The following SH3BP4 variants were observed in gnomAD, a reference collection of about 807,000 sequenced individuals.
The protein encoded by SH3BP4 is SH3 domain-binding protein 4.
SH3BP4 carries 33 observed loss-of-function variants against 65.5 expected under a neutral mutation model. The observed-to-expected ratio is 0.50, with a 90% confidence interval of 0.38 to 0.67. SH3BP4 has a LOEUF of 0.67. Ranked by LOEUF, SH3BP4 falls within the 30% of genes least tolerant of loss-of-function variation. SH3BP4 has a pLI of 0.00. For synonymous variants in SH3BP4, 552 were observed against 545.5 expected (o/e 1.01, Z -0.17); for missense variants, 1,134 against 1,261.4 (o/e 0.90, Z 1.53).
chr2:234,982,371 T>C (rs954317393), intron 1 of SH3BP4, among the ~76,000 whole-genome samples: 1 of 152,124 alleles, frequency 6.6e-6, no homozygotes, highest in South Asian at 2.1e-4. Flanking sequence ...GCCCACTTTA[T>C]GGAGGCGGAA....
Position 234,978,085 on chromosome 2 carries a change from A to C in SH3BP4, c.-206-17218A>C, listed in dbSNP as rs1346675136. On this transcript the variant is annotated intron_variant, in intron 1 of 5. Transcript: ENST00000392011. The surrounding 1 kb of genome is among the most constrained non-coding windows in gnomAD (Gnocchi z 4.1). ...ATTCTCCTGCCTCAGCCTCCCGAGT[A>C]GCTGGGATTACAGGCATGCGCCACC... 1.3e-5 allele frequency among the ~76,000 whole-genome samples: 2 copies of C among 151,802 alleles called. No individual in the cohort carries two copies. Among genetic ancestry groups the C allele is most frequent in the Non-Finnish European group, 2.9e-5 (2 of 67,958 alleles).
chr2:235,020,445 C>T (rs977175378), intron 2 of SH3BP4, among the ~76,000 whole-genome samples: 6 of 151,864 alleles, frequency 4.0e-5, no homozygotes, highest in African/African-American at 7.3e-5. Flanking sequence ...TGCAGTGAGC[C>T]GAAATTGTAC....
chr2:235,004,465 C>G (rs138494827), intron 2 of SH3BP4, among the ~76,000 whole-genome samples: 1 of 152,332 alleles, frequency 6.6e-6, no homozygotes, highest in African/African-American at 2.4e-5. Flanking sequence ...GCAACCACCA[C>G]CTCTTATCAC....
rs1331973097 is a variant in SH3BP4 at position 235,028,956 on chromosome 2, T to C, written c.-132-5915T>C. Among the ~76,000 whole-genome samples, 3 of 152,172 alleles carry C rather than the reference T, an allele frequency of 2.0e-5. No homozygotes were observed. In the East Asian group the frequency reaches 5.9e-4, roughly 30 times the overall value. ...GGGACAGGGGCTGATGATGTTGGGC[T>C]TCTAGGGCACTGGAAGCTGCTGATG... is the stretch of plus-strand genomic sequence containing the variant. On this transcript the variant is annotated intron_variant, in intron 2 of 5. Transcript: ENST00000392011.
intron 2 of SH3BP4, chr2:234,996,005 T>C (rs1693903806): frequency 6.6e-6 from 1 of 152,268 alleles, no homozygotes; most frequent in Non-Finnish European, 1.5e-5. Flanking sequence ...CTGGAGGTTT[T>C]CTTGGCTGTT....
chr2:234,999,321 ATCAG>A (rs1022805772), intron 2 of SH3BP4, among the ~76,000 whole-genome samples: 2 of 152,250 alleles, frequency 1.3e-5, no homozygotes, highest in African/African-American at 2.4e-5. Context: ...GACAAAAGAC[ATCAG>A]TCAAAGAAAG....
chr2:235,015,988 G>A (rs1447573730), intron 2 of SH3BP4, among the ~76,000 whole-genome samples: 1 of 152,068 alleles, frequency 6.6e-6, no homozygotes, highest in African/African-American at 2.4e-5. Context: ...CAGTCACATG[G>A]GGGTACGTGG....
At chr2:235,000,987 T>C (rs1443546413) in intron 2 of SH3BP4, among the ~76,000 whole-genome samples, 6 of 152,266 alleles carry the variant, frequency 3.9e-5, no homozygotes, top group Non-Finnish European at 7.3e-5. Flanking sequence ...ATTCTTTTCC[T>C]TCTTACCTTA....
At position 235,045,557 on chromosome 2, in the gene SH3BP4, C is replaced by T. The variant is rs1574849128; in HGVS notation, c.2478+2310C>T. Reference sequence around the variant, plus strand: ...ACTTGCCCTTGGCCAGGTCGGCTCCCTGAGGCAAGGTTAGATTTTGTGGTG... The same window carrying T: ...ACTTGCCCTTGGCCAGGTCGGCTCCTTGAGGCAAGGTTAGATTTTGTGGTG... On this transcript the variant is annotated intron_variant, in intron 4 of 5. Coordinates refer to ENST00000392011, the MANE Select transcript of SH3BP4 (RefSeq NM_014521.3). The surrounding 1 kb of genome is among the most constrained non-coding windows in gnomAD (Gnocchi z 4.3). 6.6e-6 allele frequency among the ~76,000 whole-genome samples: 1 copy of T among 152,240 alleles called. No homozygotes were observed. The highest frequency in any genetic ancestry group is 1.5e-5 in the Non-Finnish European group (1 of 68,022).
At chr2:234,993,840 G>T (rs1227914993) in intron 1 of SH3BP4, among the ~76,000 whole-genome samples, 1 of 152,250 alleles carries the variant, frequency 6.6e-6, no homozygotes, top group Non-Finnish European at 1.5e-5. Context: ...GCCGCCTTGT[G>T]ATTCCTGTCC....
intron 1 of SH3BP4, among the ~76,000 whole-genome samples, chr2:234,989,628 C>T (rs758039568): frequency 1.3e-5 from 2 of 152,190 alleles, no homozygotes; most frequent in East Asian, 3.8e-4. Flanking sequence ...TGTCACAGCT[C>T]CACTGTTTTG....
At chr2:234,985,227 T>G (rs915402726) in intron 1 of SH3BP4, among the ~76,000 whole-genome samples, 1 of 152,212 alleles carries the variant, frequency 6.6e-6, no homozygotes, top group Non-Finnish European at 1.5e-5. Context: ...CACGAAGTCC[T>G]CACTTTGTGG....
chr2:235,013,357 C>T (rs1159644578), intron 2 of SH3BP4, among the ~76,000 whole-genome samples: 4 of 152,174 alleles, frequency 2.6e-5, no homozygotes, highest in African/African-American at 4.8e-5. Context: ...CTCCAGTTGT[C>T]TCCGGTGTCT....
intron 2 of SH3BP4, among the ~76,000 whole-genome samples, chr2:235,029,663 A>AT: frequency 6.6e-6 from 1 of 152,386 alleles, no homozygotes; most frequent in South Asian, 2.1e-4. Context: ...CAAGTACATA[A>AT]TTTTAGGAAA....
At position 234,953,182 on chromosome 2, in the gene SH3BP4, A is replaced by T. The variant is rs540566927; in HGVS notation, c.-207+1012A>T. On this transcript the variant is annotated intron_variant, in intron 1 of 5. Transcript: ENST00000392011. The stretch of plus-strand genomic sequence containing the variant: ...TATCCGTGATAATAATAAAGTTCGC[A>T]TAACTTTTGTTCTGATTACAGAAAC... The T allele has an allele frequency of 3.3e-5, 5 of 152,394 alleles. No homozygotes were observed. The East Asian group carries it at 9.6e-4, about 29-fold the overall frequency. 9.4% of individuals were successfully genotyped at this position (152,394 alleles called of 1,614,324 possible).
At chr2:234,981,453 C>T (rs73124237) in intron 1 of SH3BP4, among the ~76,000 whole-genome samples, 1,727 of 152,298 alleles carry the variant, frequency 0.011, 36 homozygotes, top group African/African-American at 0.036. Context: ...CCCTCACAGC[C>T]AGGCCAGTGC....
rs1012813706 is a variant in SH3BP4, at chr2:235,030,684, G to A, written c.-132-4187G>A. On this transcript the variant is annotated intron_variant, in intron 2 of 5. Coordinates refer to ENST00000392011, the MANE Select transcript of SH3BP4 (RefSeq NM_014521.3). This position sits in a 1 kb window ranked among gnomAD's most constrained non-coding sequence, Gnocchi z 4.1. Reference sequence around the variant, plus strand: ...GAGAGGATTCTGCTGTAGGAAAGAGGACAGAGCTGACATCCCAGTGAGGAG... The same window carrying A: ...GAGAGGATTCTGCTGTAGGAAAGAGAACAGAGCTGACATCCCAGTGAGGAG... Among the ~76,000 whole-genome samples the A allele has an allele frequency of 4.6e-5, 7 of 152,148 alleles. No individual in the cohort carries two copies. Among genetic ancestry groups the A allele is most frequent in the Non-Finnish European group, 1.0e-4 (7 of 68,006 alleles).
intron 2 of SH3BP4, among the ~76,000 whole-genome samples, chr2:234,996,840 C>T (rs911562059): frequency 2.0e-5 from 3 of 152,222 alleles, no homozygotes; most frequent in African/African-American, 7.2e-5. Flanking sequence ...TTTGGGGCAT[C>T]GCCAGAGCAG....
chr2:235,041,269 C>T lies in SH3BP4; in HGVS notation c.500C>T (p.Thr167Ile), dbSNP rs1695630024. 1.2e-6 allele frequency: 2 copies of T among 1,614,060 alleles called. No individual in the cohort carries two copies. Among genetic ancestry groups the T allele is most frequent in the Admixed American group, 1.7e-5 (1 of 60,002 alleles). Reference sequence around the variant, plus strand: ...AACCCTTTCTGGAATGGGGTCCAGACCAATCCATTTCTGAATGGGAACGTG... The same window carrying T: ...AACCCTTTCTGGAATGGGGTCCAGATCAATCCATTTCTGAATGGGAACGTG... Reference protein sequence around the residue: ...SNNPFWNGVQTNPFLNGNVPV... With the variant: ...SNNPFWNGVQINPFLNGNVPV... The change falls in exon 4 of 6, where the codon ACC becomes ATC. Residue 167 changes from threonine to isoleucine, a missense_variant. Thr to Ile is a moderately conservative substitution (Grantham distance 89, BLOSUM62 -1). Coordinates refer to ENST00000392011, the MANE Select transcript of SH3BP4 (RefSeq NM_014521.3). The surrounding 1 kb of genome is among the most constrained non-coding windows in gnomAD (Gnocchi z 6.0).
Sources: allele counts gnomAD v4.1 joint callset (sites outside exome capture counted in the v4.1 genomes callset), GRCh38; gene constraint gnomAD v4.1.1; non-coding constraint Gnocchi (gnomAD v3.1); transcripts MANE v1.5; gene names NCBI Gene and HGNC (gene_info 2026-07-23, HGNC 2026-07-21).